The following DAAM1 variants were observed in gnomAD, a reference collection of about 807,000 sequenced individuals.
The protein encoded by DAAM1 is disheveled-associated activator of morphogenesis 1.
A neutral mutation model predicts 130.0 loss-of-function variants in DAAM1; 52 were observed. The observed-to-expected ratio is 0.40, with a 90% confidence interval of 0.32 to 0.50. The LOEUF is 0.50. Ranked by LOEUF, DAAM1 falls within the 20% of genes least tolerant of loss-of-function variation. The pLI is 0.61. For missense variants in DAAM1, 1,134 were observed against 1,303.8 expected (o/e 0.87, Z 2.01); for synonymous variants, 452 against 444.5 (o/e 1.02, Z -0.21).
At chr14:59,203,218 C>T (rs1888166939) in intron 1 of DAAM1, among the ~76,000 whole-genome samples, 1 of 147,106 alleles carries the variant, frequency 6.8e-6, no homozygotes, top group South Asian at 2.1e-4. Context: ...CCATATTAGC[C>T]AGCATGGTCT....
At chr14:59,299,592 G>A (rs1158677993) in intron 3 of DAAM1, 1 of 152,142 alleles carries the variant, frequency 6.6e-6, no homozygotes, top group East Asian at 1.9e-4. Context: ...CAGAACAATA[G>A]TGATAATTTC....
At chr14:59,280,038 C>T (rs1049337966) in intron 2 of DAAM1, among the ~76,000 whole-genome samples, 1 of 152,046 alleles carries the variant, frequency 6.6e-6, no homozygotes. Flanking sequence ...GCATTGAGAT[C>T]GTACTTAACA....
At chr14:59,363,498 G>C in intron 22 of DAAM1, 153 bp from the exon 23 acceptor site, 2 of 1,076,808 alleles carry the variant, frequency 1.9e-6, no homozygotes, top group Non-Finnish European at 2.6e-6. Flanking sequence ...GGAAGGGCAG[G>C]GGCACTAGAG....
chr14:59,310,277 CT>C (rs1189503841), intron 3 of DAAM1, among the ~76,000 whole-genome samples: 2 of 151,598 alleles, frequency 1.3e-5, no homozygotes, highest in Non-Finnish European at 2.9e-5. Context: ...GCCCAGCTAA[CT>C]TTTTTAAAAT....
chr14:59,311,567 AAAAG>A (rs1238240236), intron 3 of DAAM1, among the ~76,000 whole-genome samples: 1 of 151,874 alleles, frequency 6.6e-6, no homozygotes, highest in East Asian at 1.9e-4. Context: ...AAAAAAAAAA[AAAAG>A]AAAACCTTCC....
chr14:59,218,880 G>A (rs760444284), intron 1 of DAAM1, among the ~76,000 whole-genome samples: 2 of 151,992 alleles, frequency 1.3e-5, no homozygotes, highest in African/African-American at 2.4e-5. Flanking sequence ...CCCTTCCCCC[G>A]GCCCTCCACA....
At chr14:59,282,003 A>G (rs1364669514) in intron 2 of DAAM1, among the ~76,000 whole-genome samples, 1 of 152,158 alleles carries the variant, frequency 6.6e-6, no homozygotes, top group African/African-American at 2.4e-5. Flanking sequence ...TCATAGGATA[A>G]AGAATTAAGT....
At chr14:59,259,105 C>G (rs1229311695) in intron 1 of DAAM1, among the ~76,000 whole-genome samples, 1 of 152,188 alleles carries the variant, frequency 6.6e-6, no homozygotes, top group East Asian at 1.9e-4. Flanking sequence ...TGTAATATAA[C>G]TTGGGTTTAA....
At chr14:59,285,791 A>G (rs1022804261) in intron 2 of DAAM1, among the ~76,000 whole-genome samples, 5 of 152,158 alleles carry the variant, frequency 3.3e-5, no homozygotes, top group East Asian at 1.9e-4. Context: ...TTAGAGACCT[A>G]CAAGAGATTT....
intron 23 of DAAM1, among the ~76,000 whole-genome samples, chr14:59,366,937 A>G (rs1457581238): frequency 6.6e-6 from 1 of 151,738 alleles, no homozygotes; most frequent in African/African-American, 2.4e-5. Context: ...AAAAAAACTA[A>G]TAACATATGC....
At chr14:59,360,741 A>G in intron 21 of DAAM1, 61 bp from the exon 22 acceptor site, 4 of 1,436,500 alleles carry the variant, frequency 2.8e-6, no homozygotes, top group Non-Finnish European at 2.9e-6. Context: ...ATTTAAACCC[A>G]TCTTATATTT....
chr14:59,280,535 C>CTT (rs35354608), intron 2 of DAAM1, among the ~76,000 whole-genome samples: 1,908 of 90,500 alleles, frequency 0.021, 36 homozygotes, highest in East Asian at 0.041. Context: ...GCACACCTTC[C>CTT]TTTTTTTTTT....
intron 16 of DAAM1, among the ~76,000 whole-genome samples, chr14:59,345,301 T>C (rs1480203633): frequency 6.6e-6 from 1 of 152,230 alleles, no homozygotes; most frequent in Admixed American, 6.5e-5. Context: ...GAAAACCATC[T>C]GAAGAAGTCT....
At chr14:59,365,017 T>C (rs1321218558) in intron 23 of DAAM1, among the ~76,000 whole-genome samples, 2 of 149,872 alleles carry the variant, frequency 1.3e-5, no homozygotes, top group Admixed American at 6.6e-5. Flanking sequence ...ACCTGAGCAA[T>C]ATAGCACCTA....
chr14:59,211,209 A>T (rs951183466), intron 1 of DAAM1, among the ~76,000 whole-genome samples: 2 of 152,096 alleles, frequency 1.3e-5, no homozygotes, highest in Non-Finnish European at 2.9e-5. Context: ...AGATGATTGT[A>T]ATAATCCCAG....
chr14:59,363,559 A>T, intron 22 of DAAM1, 92 bp from the exon 23 acceptor site: 1 of 1,543,138 alleles, frequency 6.5e-7, no homozygotes. Context: ...ATTCTGATTT[A>T]TTAAATTTAA....
chr14:59,261,681 G>A (rs1021974481), intron 1 of DAAM1, among the ~76,000 whole-genome samples: 2 of 152,194 alleles, frequency 1.3e-5, no homozygotes, highest in Non-Finnish European at 1.5e-5. Flanking sequence ...GACTGTGGAA[G>A]TCTCTGGAAA....
chr14:59,270,911 C>G (rs1236197655), intron 2 of DAAM1, among the ~76,000 whole-genome samples: 2 of 152,106 alleles, frequency 1.3e-5, no homozygotes, highest in Non-Finnish European at 2.9e-5. Flanking sequence ...AGGTTTAAAA[C>G]AAGTCTGGTT....
At chr14:59,342,061 A>G (rs575680422) in intron 16 of DAAM1, among the ~76,000 whole-genome samples, 7 of 152,348 alleles carry the variant, frequency 4.6e-5, no homozygotes, top group Non-Finnish European at 1.0e-4. Context: ...TATTTGTGGT[A>G]TGTAAATTCC....
Sources: allele counts gnomAD v4.1 joint callset (sites outside exome capture counted in the v4.1 genomes callset), GRCh38; gene constraint gnomAD v4.1.1; transcripts MANE v1.5; gene names NCBI Gene and HGNC (gene_info 2026-07-23, HGNC 2026-07-21).